The following NRXN3 variants were observed in gnomAD, a reference collection of about 807,000 sequenced individuals.
NRXN3 encodes neurexin III.
A neutral mutation model predicts 137.6 loss-of-function variants in NRXN3; 32 were observed. That is an observed-to-expected ratio of 0.23 (90% CI 0.18 to 0.31). The LOEUF is 0.31. Ranked by LOEUF, NRXN3 falls within the 10% of genes least tolerant of loss-of-function variation. The pLI is 1.00. For synonymous variants in NRXN3, 798 were observed against 784.5 expected (o/e 1.02, Z -0.29); for missense variants, 1,574 against 2,062.5 (o/e 0.76, Z 4.59).
intron 19 of NRXN3, among the ~76,000 whole-genome samples, chr14:79,742,450 TTCCC>T (rs996636825): frequency 1.3e-5 from 2 of 152,140 alleles, no homozygotes; most frequent in African/African-American, 4.8e-5. Flanking sequence ...CTTTCCTTCT[TTCCC>T]TCCCTATTTT....
At chr14:78,582,020 G>T (rs570213462) in intron 4 of NRXN3, among the ~76,000 whole-genome samples, 1 of 152,000 alleles carries the variant, frequency 6.6e-6, no homozygotes, top group African/African-American at 2.4e-5. Flanking sequence ...ATTAATTTTC[G>T]CATCATCCTG....
intron 10 of NRXN3, among the ~76,000 whole-genome samples, chr14:78,815,584 G>T (rs1446088784): frequency 2.0e-5 from 3 of 150,522 alleles, no homozygotes; most frequent in African/African-American, 7.3e-5. Flanking sequence ...GCATGTGGGT[G>T]GTTATTGCTT....
chr14:78,994,255 C>T (rs895732327), intron 15 of NRXN3, among the ~76,000 whole-genome samples: 1 of 152,158 alleles, frequency 6.6e-6, no homozygotes, highest in Admixed American at 6.5e-5. Context: ...ATATATGCTG[C>T]AGTCACTGTT....
intron 16 of NRXN3, among the ~76,000 whole-genome samples, chr14:79,565,154 G>C (rs528678296): frequency 6.6e-6 from 1 of 151,534 alleles, no homozygotes; most frequent in East Asian, 2.0e-4. Context: ...ATAAATGGGT[G>C]TTGGTTGTGT....
chr14:79,087,943 T>C (rs1026634885), intron 15 of NRXN3, among the ~76,000 whole-genome samples: 1 of 150,774 alleles, frequency 6.6e-6, no homozygotes, highest in Non-Finnish European at 1.5e-5. Flanking sequence ...AAATAACAAC[T>C]AGTTGTTTCT....
At chr14:79,152,855 T>C (rs145909896) in intron 15 of NRXN3, among the ~76,000 whole-genome samples, 28 of 152,042 alleles carry the variant, frequency 1.8e-4, no homozygotes, top group Non-Finnish European at 3.1e-4. Flanking sequence ...GAAAAGGCAA[T>C]TGTGGAAACT....
chr14:79,141,648 C>T (rs1305954867), intron 15 of NRXN3, among the ~76,000 whole-genome samples: 1 of 152,124 alleles, frequency 6.6e-6, no homozygotes. Flanking sequence ...TCAGTATCAA[C>T]ATTTAAAAGT....
intron 4 of NRXN3, among the ~76,000 whole-genome samples, chr14:78,540,435 CTTT>C (rs537566835): frequency 8.6e-5 from 10 of 116,582 alleles, no homozygotes; most frequent in South Asian, 2.9e-4. Context: ...GCAACCCCTG[CTTT>C]TTTTTTTTTT....
chr14:79,553,801 C>A (rs1307726362), intron 16 of NRXN3, among the ~76,000 whole-genome samples: 3 of 152,164 alleles, frequency 2.0e-5, no homozygotes, highest in Non-Finnish European at 4.4e-5. Flanking sequence ...TGGTTAGCCC[C>A]CTAGACTGAA....
intron 15 of NRXN3, among the ~76,000 whole-genome samples, chr14:78,996,635 G>C (rs1311489194): frequency 6.6e-6 from 1 of 151,972 alleles, no homozygotes; most frequent in Non-Finnish European, 1.5e-5. Flanking sequence ...GATTTGCTCG[G>C]GGAACAAGAT....
chr14:79,012,565 A>G (rs1166858553), intron 15 of NRXN3, among the ~76,000 whole-genome samples: 1 of 152,152 alleles, frequency 6.6e-6, no homozygotes, highest in Non-Finnish European at 1.5e-5. Flanking sequence ...TCTATTTTCT[A>G]GAAGGTATAG....
At chr14:78,854,574 G>A (rs73321613) in intron 10 of NRXN3, among the ~76,000 whole-genome samples, 4,795 of 152,090 alleles carry the variant, frequency 0.032, 252 homozygotes, top group African/African-American at 0.1. Context: ...ATAGTTATTT[G>A]CTTGCTAATT....
intron 19 of NRXN3, among the ~76,000 whole-genome samples, chr14:79,723,909 A>G (rs576218705): frequency 6.6e-6 from 1 of 152,228 alleles, no homozygotes; most frequent in African/African-American, 2.4e-5. Context: ...CATGAATTCA[A>G]TGAACATCCA....
intron 20 of NRXN3, among the ~76,000 whole-genome samples, chr14:79,811,167 A>G (rs552689222): frequency 5.6e-4 from 85 of 152,328 alleles, no homozygotes; most frequent in Middle Eastern, 3.4e-3. Context: ...ATGTTGGAGT[A>G]TGACAGATCT....
At chr14:78,764,879 T>C (rs2098703796) in intron 8 of NRXN3, among the ~76,000 whole-genome samples, 1 of 152,184 alleles carries the variant, frequency 6.6e-6, no homozygotes, top group South Asian at 2.1e-4. Flanking sequence ...AAGAGACAAA[T>C]GTGCCAACCT....
chr14:79,592,655 A>C (rs2153822728), intron 16 of NRXN3, among the ~76,000 whole-genome samples: 1 of 152,242 alleles, frequency 6.6e-6, no homozygotes. Flanking sequence ...TTTGTAGATC[A>C]CTTACTAAAA....
At chr14:79,403,061 G>C (rs1465783895) in intron 15 of NRXN3, among the ~76,000 whole-genome samples, 1 of 152,106 alleles carries the variant, frequency 6.6e-6, no homozygotes, top group Non-Finnish European at 1.5e-5. Context: ...TTCTTTTGGG[G>C]GGTGAATGCC....
chr14:78,815,475 C>G (rs201064127), intron 10 of NRXN3, among the ~76,000 whole-genome samples: 3 of 43,370 alleles, frequency 6.9e-5, no homozygotes, highest in African/African-American at 2.3e-4. Flanking sequence ...TAATTTGTTT[C>G]TTTCTTTTTT....
rs1285654876 is a variant in NRXN3 at position 79,647,867 on chromosome 14, C to T, written c.3445-15911C>T. Among the ~76,000 whole-genome samples, 5 of 134,886 alleles carry T rather than the reference C, an allele frequency of 3.7e-5. 2 individuals are homozygous for T. Among genetic ancestry groups the T allele is most frequent in the Non-Finnish European group, 8.6e-5 (5 of 58,126 alleles). 88.5% of individuals were successfully genotyped at this position (134,886 alleles called of 152,430 possible). On this transcript the variant is annotated intron_variant, in intron 16 of 20. Transcript: ENST00000335750. ...CTCATGGTAGATAGTATTTTTTCAG[C>T]ATTGAAGGTGAGAAAATTGAGGTTC...
Sources: gnomAD v4.1 joint callset for allele counts (sites outside exome capture counted in the v4.1 genomes callset) on GRCh38, gnomAD v4.1.1 for gene constraint, MANE v1.5 for transcripts, NCBI Gene and HGNC (gene_info 2026-07-23, HGNC 2026-07-21) for gene names.